NXPH1: variants seen among roughly 807,000 people sequenced by gnomAD.
NXPH1 encodes neurexophilin 1, also known as neurexophilin-1.
In NXPH1, 5 loss-of-function variants were observed where a neutral mutation model predicts 23.7. That is an observed-to-expected ratio of 0.21 (90% CI 0.11 to 0.44). The LOEUF is 0.44. Ranked by LOEUF, NXPH1 falls within the 20% of genes least tolerant of loss-of-function variation. The pLI, the probability that NXPH1 is intolerant of heterozygous loss-of-function variation, is 0.99. For missense variants in NXPH1, 324 were observed against 321.6 expected (o/e 1.01, Z -0.06); for synonymous variants, 144 against 122.2 (o/e 1.18, Z -1.18).
intron 2 of NXPH1, among the ~76,000 whole-genome samples, chr7:8,520,938 C>T (rs983363559): frequency 1.3e-5 from 2 of 152,214 alleles, no homozygotes. Context: ...TTGAGACAGC[C>T]ACAAGAAATT....
chr7:8,654,553 C>T (rs1256546198), intron 2 of NXPH1, among the ~76,000 whole-genome samples: 1 of 152,174 alleles, frequency 6.6e-6, no homozygotes, highest in Non-Finnish European at 1.5e-5. Flanking sequence ...CATAGCCCAT[C>T]CCCAGCAGTT....
intron 2 of NXPH1, among the ~76,000 whole-genome samples, chr7:8,473,122 A>C (rs1199934219): frequency 1.3e-5 from 2 of 152,164 alleles, no homozygotes; most frequent in Admixed American, 6.5e-5. Flanking sequence ...TGGTCTTTTA[A>C]AATCTTTCTT....
chr7:8,575,566 C>G (rs559166666), intron 2 of NXPH1, among the ~76,000 whole-genome samples: 3 of 152,268 alleles, frequency 2.0e-5, no homozygotes, highest in African/African-American at 7.2e-5. Context: ...AAGTCTGCTG[C>G]TAACTTTTCT....
At chr7:8,564,159 C>T (rs1177911906) in intron 2 of NXPH1, among the ~76,000 whole-genome samples, 3 of 151,784 alleles carry the variant, frequency 2.0e-5, no homozygotes, top group Non-Finnish European at 2.9e-5. Flanking sequence ...ACATCAATCA[C>T]CTTGCCATCC....
intron 2 of NXPH1, among the ~76,000 whole-genome samples, chr7:8,735,352 G>T (rs988230139): frequency 3.9e-5 from 6 of 152,014 alleles, no homozygotes; most frequent in Non-Finnish European, 7.4e-5. Context: ...CTAGCATGAA[G>T]GGTTGAGTTT....
chr7:8,473,891 C>G (rs1274355457), intron 2 of NXPH1, among the ~76,000 whole-genome samples: 1 of 152,068 alleles, frequency 6.6e-6, no homozygotes, highest in African/African-American at 2.4e-5. Flanking sequence ...TGTCATTTCT[C>G]TTTTATAGGC....
intron 2 of NXPH1, among the ~76,000 whole-genome samples, chr7:8,566,386 C>T (rs1303728644): frequency 2.0e-5 from 3 of 151,806 alleles, no homozygotes; most frequent in African/African-American, 7.3e-5. Flanking sequence ...TAATGAATAC[C>T]TAGGAAAGTG....
At chr7:8,512,930 A>G (rs1817633666) in intron 2 of NXPH1, among the ~76,000 whole-genome samples, 1 of 152,158 alleles carries the variant, frequency 6.6e-6, no homozygotes, top group African/African-American at 2.4e-5. Context: ...TTAGAAACTT[A>G]TGACACACTG....
chr7:8,649,884 A>G (rs1001525956), intron 2 of NXPH1, among the ~76,000 whole-genome samples: 5 of 152,170 alleles, frequency 3.3e-5, no homozygotes, highest in East Asian at 1.9e-4. Context: ...GAAGCCCCCA[A>G]TGCTATTTTA....
At chr7:8,713,565 A>G (rs1179924742) in intron 2 of NXPH1, among the ~76,000 whole-genome samples, 1 of 151,910 alleles carries the variant, frequency 6.6e-6, no homozygotes, top group Non-Finnish European at 1.5e-5. Context: ...AGTCTTTGCA[A>G]CCTTGGCTTG....
chr7:8,481,312 A>C (rs112881585), intron 2 of NXPH1, among the ~76,000 whole-genome samples: 5 of 152,216 alleles, frequency 3.3e-5, no homozygotes, highest in Non-Finnish European at 7.3e-5. Flanking sequence ...TATTTCAGAG[A>C]TACCTACGCA....
chr7:8,583,055 T>C (rs1380657277), intron 2 of NXPH1, among the ~76,000 whole-genome samples: 1 of 152,008 alleles, frequency 6.6e-6, no homozygotes, highest in Non-Finnish European at 1.5e-5. Context: ...TGAGTGTGCA[T>C]ACACTTGGCC....
chr7:8,641,437 C>T (rs1820309592), intron 2 of NXPH1, among the ~76,000 whole-genome samples: 1 of 151,592 alleles, frequency 6.6e-6, no homozygotes, highest in Non-Finnish European at 1.5e-5. Flanking sequence ...TTGGCATGTG[C>T]TATAAATCTG....
chr7:8,608,158 T>C (rs773261756), intron 2 of NXPH1, among the ~76,000 whole-genome samples: 1 of 152,210 alleles, frequency 6.6e-6, no homozygotes, highest in Non-Finnish European at 1.5e-5. Context: ...TTTGTGGTAC[T>C]TTGTTATAGC....
intron 2 of NXPH1, among the ~76,000 whole-genome samples, chr7:8,692,044 G>C (rs1324000150): frequency 6.6e-6 from 1 of 151,960 alleles, no homozygotes; most frequent in Admixed American, 6.6e-5. Flanking sequence ...GCTGGGGCTA[G>C]AACCAGCTTG....
At chr7:8,586,681 A>G (rs1369828875) in intron 2 of NXPH1, among the ~76,000 whole-genome samples, 1 of 151,856 alleles carries the variant, frequency 6.6e-6, no homozygotes, top group Non-Finnish European at 1.5e-5. Context: ...AACTTCACAT[A>G]CTGTAAGTTG....
chr7:8,586,912 A>G (rs1476707000), intron 2 of NXPH1, among the ~76,000 whole-genome samples: 2 of 152,144 alleles, frequency 1.3e-5, no homozygotes, highest in Non-Finnish European at 2.9e-5. Flanking sequence ...TCCCTTAGAG[A>G]AAAGACTATT....
intron 2 of NXPH1, among the ~76,000 whole-genome samples, chr7:8,519,386 G>T (rs1193623811): frequency 6.6e-6 from 1 of 152,136 alleles, no homozygotes; most frequent in African/African-American, 2.4e-5. Context: ...TTAAATTCAG[G>T]ATAGCTTAGC....
chr7:8,590,333 G>A (rs1398629234), intron 2 of NXPH1, among the ~76,000 whole-genome samples: 1 of 152,038 alleles, frequency 6.6e-6, no homozygotes, highest in East Asian at 1.9e-4. Flanking sequence ...ATTATGGTTA[G>A]CCAAACCCTA....
Sources: allele counts gnomAD v4.1 joint callset (sites outside exome capture counted in the v4.1 genomes callset), GRCh38; gene constraint gnomAD v4.1.1; transcripts MANE v1.5; gene names NCBI Gene and HGNC (gene_info 2026-07-23, HGNC 2026-07-21).